The following FAM81A variants were observed in gnomAD, a reference collection of about 807,000 sequenced individuals.
FAM81A encodes the protein family with sequence similarity 81 member A.
A neutral mutation model predicts 46.7 loss-of-function variants in FAM81A; 19 were observed. That is an observed-to-expected ratio of 0.41 (90% CI 0.28 to 0.60). The LOEUF (loss-of-function observed/expected upper bound fraction) is 0.60. FAM81A is among the 20% of genes least tolerant of loss of function. FAM81A has a pLI of 0.34. For missense variants in FAM81A, 377 were observed against 453.5 expected, an observed-to-expected ratio of 0.83 and a Z score of 1.53; for synonymous variants, 183 against 152.9, an observed-to-expected ratio of 1.20 and a Z score of -1.45.
At chr15:59,439,527 T>A (rs2081275076) in intron 1 of FAM81A, among the ~76,000 whole-genome samples, 1 of 152,158 alleles carries the variant, frequency 6.6e-6, no homozygotes, top group Non-Finnish European at 1.5e-5. Context: ...CGGAGGGGAA[T>A]GGAGGACGTA....
chr15:59,413,239 C>G (rs2081129969), intron 2 of FAM81A, among the ~76,000 whole-genome samples: 1 of 152,080 alleles, frequency 6.6e-6, no homozygotes, highest in African/African-American at 2.4e-5. Context: ...GGCTCTGGGA[C>G]ATAGGGGCTG....
At chr15:59,517,427 A>C (rs2082279189) in intron 8 of FAM81A, among the ~76,000 whole-genome samples, 1 of 152,312 alleles carries the variant, frequency 6.6e-6, no homozygotes, top group Admixed American at 6.5e-5. Flanking sequence ...TATGAGGCAG[A>C]AGTACCTTGA....
At chr15:59,401,532 G>T in intron 1 of FAM81A, 2 of 754,434 alleles carry the variant, frequency 2.7e-6, no homozygotes, top group South Asian at 3.0e-5. Flanking sequence ...AAGCCATCTT[G>T]AACAAAGCAG....
rs796397891 is a variant in FAM81A at position 59,489,264 on chromosome 15, CAAAT to C, written c.295-3005_295-3002del. Among the ~76,000 whole-genome samples the C allele has an allele frequency of 4.7e-3, 599 of 126,578 alleles. 3 individuals carry two copies. Among genetic ancestry groups the C allele is most frequent in the African/African-American group, 0.018 (570 of 31,114 alleles). The allele number at this position is 126,578 out of a possible 152,430, so 83.0% of individuals were successfully genotyped here. A position where few individuals can be genotyped will look rare whatever the true frequency, so the allele number is the denominator to read the frequency against. ...GGGACAACAGAGCGAGACTCCATCTCAAATACATACATACATACATACATACATA... is the reference window on the plus strand; with the variant it reads ...GGGACAACAGAGCGAGACTCCATCTCACATACATACATACATACATACATA... On this transcript the variant is annotated intron_variant, in intron 3 of 8. Coordinates refer to ENST00000288228, the MANE Select transcript of FAM81A (RefSeq NM_152450.3).
At chr15:59,502,874 C>T (rs1416290259) in intron 4 of FAM81A, among the ~76,000 whole-genome samples, 1 of 152,072 alleles carries the variant, frequency 6.6e-6, no homozygotes, top group African/African-American at 2.4e-5. Flanking sequence ...TCTGTGTCCC[C>T]TGCCCAGCCT....
chr15:59,473,600 A>G (rs1249370382), intron 3 of FAM81A, among the ~76,000 whole-genome samples: 2 of 152,068 alleles, frequency 1.3e-5, no homozygotes, highest in Admixed American at 6.5e-5. Flanking sequence ...TCCTGTGGGA[A>G]CTCAGCTCTG....
chr15:59,474,787 A>T (rs752120361), intron 3 of FAM81A, among the ~76,000 whole-genome samples: 1 of 152,216 alleles, frequency 6.6e-6, no homozygotes, highest in South Asian at 2.1e-4. Context: ...GGCCTGAGGT[A>T]TCAAGGCCAG....
At chr15:59,514,446 A>G in intron 7 of FAM81A, 22 bp downstream of exon 7, 1 of 1,606,836 alleles carries the variant, frequency 6.2e-7, no homozygotes, top group Admixed American at 1.7e-5. Context: ...TGTTTAGCAA[A>G]AATTTAGTAA....
chr15:59,468,969 C>T (rs1011967640), intron 3 of FAM81A, among the ~76,000 whole-genome samples: 5 of 151,962 alleles, frequency 3.3e-5, no homozygotes, highest in Non-Finnish European at 7.4e-5. Context: ...TGTTATGTAC[C>T]CAGTAGTCAT....
intron 2 of FAM81A, among the ~76,000 whole-genome samples, chr15:59,416,166 G>C (rs2081145852): frequency 6.6e-6 from 1 of 152,194 alleles, no homozygotes; most frequent in Non-Finnish European, 1.5e-5. Flanking sequence ...ATTTATTTGG[G>C]AGGTGATCCC....
chr15:59,473,560 A>G (rs563054275), intron 3 of FAM81A, among the ~76,000 whole-genome samples: 1 of 152,288 alleles, frequency 6.6e-6, no homozygotes, highest in East Asian at 1.9e-4. Context: ...AAATACTGTT[A>G]CTTCCCCATT....
intron 2 of FAM81A, among the ~76,000 whole-genome samples, chr15:59,423,385 A>G (rs1187827101): frequency 6.6e-6 from 1 of 152,252 alleles, no homozygotes; most frequent in East Asian, 1.9e-4. Context: ...GGCGTGAGCC[A>G]TCGCGCCTGG....
chr15:59,419,863 G>C (rs1435324485), intron 2 of FAM81A, among the ~76,000 whole-genome samples: 1 of 152,198 alleles, frequency 6.6e-6, no homozygotes, highest in Non-Finnish European at 1.5e-5. Context: ...GGACAACAGA[G>C]CGAGACTCCA....
intron 6 of FAM81A, among the ~76,000 whole-genome samples, chr15:59,509,316 A>G (rs1267092932): frequency 1.3e-5 from 2 of 152,192 alleles, no homozygotes; most frequent in African/African-American, 4.8e-5. Context: ...ATGAGCATCT[A>G]CTATATTATT....
chr15:59,508,994 A>G (rs760451613), intron 6 of FAM81A, 25 bp downstream of exon 6: 22 of 1,572,956 alleles, frequency 1.4e-5, no homozygotes, highest in African/African-American at 2.7e-5. Context: ...TATTAAAAAA[A>G]TAAAACTTAA....
chr15:59,461,810 T>C lies in FAM81A; in HGVS notation c.294+1604T>C, dbSNP rs568680980. ...TATGAGTAAAGCTGCTATGAACATT[T>C]GTGACAGGTCTTTGATGTGAAAATA... On this transcript the variant is annotated intron_variant, in intron 3 of 8. Coordinates refer to ENST00000288228, the MANE Select transcript of FAM81A (RefSeq NM_152450.3). 3.3e-5 allele frequency among the ~76,000 whole-genome samples: 5 copies of C among 152,340 alleles called. No homozygotes were observed. The East Asian group carries it at 9.6e-4, about 29-fold the overall frequency.
intron 6 of FAM81A, among the ~76,000 whole-genome samples, chr15:59,512,883 G>T (rs75452264): frequency 0.054 from 8,168 of 152,286 alleles, 272 homozygotes; most frequent in African/African-American, 0.095. Flanking sequence ...TTATGACTTT[G>T]ATGCATCATG....
rs779686894 is a variant in FAM81A at position 59,508,927 on chromosome 15, C to G, written c.608C>G (p.Ser203Cys). 1.9e-6 allele frequency: 3 copies of G among 1,613,278 alleles called. No homozygotes were observed. The highest frequency in any genetic ancestry group is 2.5e-6 in the Non-Finnish European group (3 of 1,179,476). The change falls in exon 6 of 9, where the codon TCT becomes TGT. Residue 203 changes from serine to cysteine, a missense_variant. Coordinates refer to ENST00000288228, the MANE Select transcript of FAM81A (RefSeq NM_152450.3). Reference sequence around the variant, plus strand: ...GAGCAGAGCACCAAACTGAAGATGTCTCACAGAGACAGTAACCACCAGCTT... The same window carrying G: ...GAGCAGAGCACCAAACTGAAGATGTGTCACAGAGACAGTAACCACCAGCTT... ...ISEQSTKLKM[S>C]HRDSNHQLQL...
chr15:59,431,450 G>A (rs1464401877), intron 2 of FAM81A, among the ~76,000 whole-genome samples: 1 of 151,504 alleles, frequency 6.6e-6, no homozygotes, highest in Non-Finnish European at 1.5e-5. Context: ...GGTCAGGCTG[G>A]TCTCGAACTC....
Sources: gnomAD v4.1 joint callset for allele counts (sites outside exome capture counted in the v4.1 genomes callset) on GRCh38, gnomAD v4.1.1 for gene constraint, MANE v1.5 for transcripts, NCBI Gene and HGNC (gene_info 2026-07-23, HGNC 2026-07-21) for gene names.